Variants in SUMF1 observed in about 807,000 individuals in gnomAD.
SUMF1 encodes formylglycine-generating enzyme.
A neutral mutation model predicts 47.6 loss-of-function variants in SUMF1; 48 were observed. The observed-to-expected ratio is 1.01, with a 90% CI of 0.80 to 1.28. SUMF1 has a LOEUF of 1.28. SUMF1 is among the 50% of genes most tolerant of loss of function. The pLI is 0.00. For missense variants in SUMF1, 571 were observed against 485.4 expected (o/e 1.18, Z -1.66); for synonymous variants, 230 against 192.1 (o/e 1.20, Z -1.63).
intron 9 of SUMF1, among the ~76,000 whole-genome samples, chr3:4,054,841 T>G (rs1695164789): frequency 6.6e-6 from 1 of 152,180 alleles, no homozygotes; most frequent in South Asian, 2.1e-4. Flanking sequence ...ACGTATAGTC[T>G]TATTTCATAT....
At chr3:4,175,065 C>T (rs978474297) in intron 8 of SUMF1, among the ~76,000 whole-genome samples, 1 of 152,354 alleles carries the variant, frequency 6.6e-6, no homozygotes, top group East Asian at 1.9e-4. Flanking sequence ...CACAGCTCAA[C>T]AAGGCCTACT....
chr3:4,413,938 A>G (rs775194794), intron 6 of SUMF1, among the ~76,000 whole-genome samples: 98 of 152,006 alleles, frequency 6.4e-4, no homozygotes, highest in Non-Finnish European at 1.3e-3. Flanking sequence ...ATCTTGGCTC[A>G]CTGCAATCTC....
chr3:4,417,879 G>A lies in SUMF1; in HGVS notation c.725+131C>T, dbSNP rs184488514. The A allele has an allele frequency of 8.9e-4, 1,360 of 1,520,052 alleles. 3 individuals are homozygous for A. The highest frequency in any genetic ancestry group is 2.2e-3 in the Admixed American group (129 of 58,256). 94.2% of individuals were successfully genotyped at this position (1,520,052 alleles called of 1,614,324 possible). ...TCCAGTGTCTTCTAAGTAATTTCGT[G>A]GAAAAATAAGAAAAAGAATTATTGT... On this transcript the variant is annotated intron_variant, in intron 5 of 8. Coordinates refer to ENST00000272902, the MANE Select transcript of SUMF1 (RefSeq NM_182760.4).
intron 8 of SUMF1, among the ~76,000 whole-genome samples, chr3:4,186,711 C>T (rs1695208313): frequency 6.6e-6 from 1 of 152,000 alleles, no homozygotes; most frequent in Non-Finnish European, 1.5e-5. Context: ...AGAAGGTAAC[C>T]TGAATGTAAA....
chr3:4,045,667 T>C (rs1344417356), intron 9 of SUMF1, among the ~76,000 whole-genome samples: 2 of 152,106 alleles, frequency 1.3e-5, no homozygotes, highest in African/African-American at 4.8e-5. Flanking sequence ...AGATTCTGCA[T>C]ATCTGTTACA....
rs374542028 is a variant in SUMF1, at chr3:4,253,270, G to A, written c.1014+123060C>T. ...AATAGGGGGAGGAGCCAAGATGGCC[G>A]AATAGGAACAGCTCCGGTCTACAGC... On this transcript the variant is annotated intron_variant and NMD_transcript_variant, in intron 8 of 12. Coordinates refer to the SUMF1 transcript ENST00000448413. Among the ~76,000 whole-genome samples, 50 of 152,258 alleles carry A rather than the reference G, an allele frequency of 3.3e-4. 1 individual carries two copies. The highest frequency in any genetic ancestry group is 1.1e-3 in the African/African-American group (46 of 41,544).
chr3:4,264,761 C>T (rs192271941), intron 8 of SUMF1, among the ~76,000 whole-genome samples: 63 of 152,232 alleles, frequency 4.1e-4, no homozygotes, highest in African/African-American at 1.5e-3. Context: ...ATAAAAGTGA[C>T]ATTTAACTAC....
chr3:4,294,951 C>T (rs1047025260), intron 8 of SUMF1, among the ~76,000 whole-genome samples: 15 of 152,294 alleles, frequency 9.8e-5, no homozygotes, highest in African/African-American at 2.2e-4. Context: ...TCTGCAGCGA[C>T]GCTGACTTTA....
intron 8 of SUMF1, among the ~76,000 whole-genome samples, chr3:4,207,713 A>C (rs1419107569): frequency 6.6e-6 from 1 of 150,668 alleles, no homozygotes; most frequent in Non-Finnish European, 1.5e-5. Flanking sequence ...AAAATCAATA[A>C]CTATTCTTAA....
chr3:4,055,089 G>C (rs1695168119), intron 9 of SUMF1, among the ~76,000 whole-genome samples: 1 of 152,172 alleles, frequency 6.6e-6, no homozygotes, highest in Non-Finnish European at 1.5e-5. Flanking sequence ...AGATACTGTA[G>C]TGGAGTGCGT....
chr3:4,284,331 G>C (rs1283640320), intron 8 of SUMF1, among the ~76,000 whole-genome samples: 1 of 151,750 alleles, frequency 6.6e-6, no homozygotes, highest in African/African-American at 2.4e-5. Context: ...AGGATTTCCT[G>C]AGCCCTGGGA....
intron 8 of SUMF1, among the ~76,000 whole-genome samples, chr3:4,126,727 C>T (rs1370967056): frequency 1.3e-5 from 2 of 152,018 alleles, no homozygotes; most frequent in African/African-American, 2.4e-5. Context: ...GGTTGATAAA[C>T]CTATAATATA....
intron 3 of SUMF1, among the ~76,000 whole-genome samples, chr3:4,448,180 C>A (rs750840651): frequency 1.3e-5 from 2 of 152,138 alleles, no homozygotes; most frequent in Non-Finnish European, 2.9e-5. Context: ...TAAAAAGTGG[C>A]TCAATTCACC....
intron 8 of SUMF1, among the ~76,000 whole-genome samples, chr3:4,154,313 C>A (rs1012700347): frequency 6.6e-6 from 1 of 151,490 alleles, no homozygotes; most frequent in South Asian, 2.1e-4. Flanking sequence ...GGGAAACTAA[C>A]CTCACCAGGA....
rs146730930 is a variant in SUMF1, at chr3:4,467,228, T to A, written c.18A>T (p.Leu6=). Residue 6 remains leucine (L), a synonymous_variant, in exon 1 of 9, where the codon CTA becomes CTT. Transcript: ENST00000272902. ...CAGGGCAACGTCCACACACCAGCCC[T>A]AGTGCGGGCGCAGCCATGTTGTCCC... MAAPA[L]GLVCGRCPEL... 1.2e-6 allele frequency: 2 copies of A among 1,610,716 alleles called. No homozygotes were observed. Among genetic ancestry groups the A allele is most frequent in the African/African-American group, 2.7e-5 (2 of 74,984 alleles).
intron 8 of SUMF1, chr3:4,313,083 T>C: frequency 6.2e-7 from 1 of 1,613,972 alleles, no homozygotes; most frequent in Non-Finnish European, 8.5e-7. Flanking sequence ...ATGCAGAGCC[T>C]GTTTTTGAAT....
chr3:4,164,405 TGTTGGATCATCCG>T, intron 8 of SUMF1, among the ~76,000 whole-genome samples: 1 of 152,260 alleles, frequency 6.6e-6, no homozygotes, highest in East Asian at 1.9e-4. Context: ...TCAGTTCTGT[TGTTGGATCATCCG>T]GTTGGGGGCT....
chr3:4,218,952 T>C (rs765139295), intron 8 of SUMF1, among the ~76,000 whole-genome samples: 1 of 152,110 alleles, frequency 6.6e-6, no homozygotes, highest in Non-Finnish European at 1.5e-5. Flanking sequence ...GGAAGTCAGA[T>C]TCTAGTAGGC....
chr3:4,213,227 T>G (rs1337818285), intron 8 of SUMF1, among the ~76,000 whole-genome samples: 2 of 152,130 alleles, frequency 1.3e-5, no homozygotes, highest in East Asian at 3.8e-4. Flanking sequence ...GCAGAAACCC[T>G]ACAAGCCAGA....
Sources: gnomAD v4.1 joint callset for allele counts (sites outside exome capture counted in the v4.1 genomes callset) on GRCh38, gnomAD v4.1.1 for gene constraint, MANE v1.5 for transcripts, NCBI Gene and HGNC (gene_info 2026-07-23, HGNC 2026-07-21) for gene names.